The following ZRSR2 variants were observed in gnomAD, a reference collection of about 807,000 sequenced individuals.
ZRSR2 encodes the protein U2 small nuclear ribonucleoprotein auxiliary factor 35 kDa subunit-related protein 2.
ZRSR2 carries 3 observed loss-of-function variants against 39.4 expected under a neutral mutation model. That is an observed-to-expected ratio of 0.08 (90% CI 0.03 to 0.20). The LOEUF (loss-of-function observed/expected upper bound fraction) is 0.20. ZRSR2 is among the 10% of genes least tolerant of loss of function. The pLI is 1.00. For missense variants in ZRSR2, 256 were observed against 391.5 expected, an observed-to-expected ratio of 0.65 and a Z score of 2.92; for synonymous variants, 137 against 136.0, an observed-to-expected ratio of 1.01 and a Z score of -0.05.
At position 15,790,510 on chromosome X, in the gene ZRSR2, G is replaced by T; in HGVS notation, c.15G>T (p.Glu5Asp). 8.6e-7 allele frequency: 1 copy of T among 1,160,337 alleles called. No homozygotes were observed. Among genetic ancestry groups the T allele is most frequent in the Non-Finnish European group, 1.1e-6 (1 of 871,301 alleles). MAAP[E>D]KMTFPEKPSH... is the part of the protein sequence containing the mutation. ...GTGCCGGCAAGATGGCTGCGCCCGA[G>T]AAGATGACGTTTCCCGAGAAACCAA... is the stretch of plus-strand genomic sequence containing the variant. The change falls in exon 1 of 11, where the codon GAG (glutamate) becomes GAT (aspartate). Residue 5 changes from glutamate to aspartate, a missense_variant. Glu to Asp is a conservative substitution (Grantham distance 45). This residue lies in a region of ZRSR2 where 87 missense variants were observed against 111.7 expected (regional missense o/e 0.78). Transcript: ENST00000307771.
At chrX:15,806,832 T>A (rs763243219) in intron 5 of ZRSR2, among the ~76,000 whole-genome samples, 3 of 111,377 alleles carry the variant, frequency 2.7e-5, no homozygotes, top group African/African-American at 9.8e-5. Flanking sequence ...CACACCCGGC[T>A]AATTTTTTGT....
At chrX:15,795,087 TTCC>T (rs1447626578) in intron 2 of ZRSR2, among the ~76,000 whole-genome samples, 1 of 56,294 alleles carries the variant, frequency 1.8e-5, no homozygotes, top group African/African-American at 9.5e-5. Context: ...CCCTGCACTT[TTCC>T]CCCCCCCCCA....
intron 5 of ZRSR2, among the ~76,000 whole-genome samples, chrX:15,806,761 G>A (rs1194563537): frequency 9.0e-6 from 1 of 110,618 alleles, no homozygotes; most frequent in Non-Finnish European, 1.9e-5. Context: ...TCTGCCTCCC[G>A]GGTTCAAGCG....
At chrX:15,793,158 G>T (rs1042245631) in intron 2 of ZRSR2, among the ~76,000 whole-genome samples, 5 of 111,945 alleles carry the variant, frequency 4.5e-5, no homozygotes, top group African/African-American at 1.6e-4. Flanking sequence ...GAAATTTTCA[G>T]CTACTTTACT....
intron 3 of ZRSR2, chrX:15,801,371 G>A (rs1191146543): frequency 1.3e-5 from 4 of 296,794 alleles, no homozygotes. Context: ...CGGGATTACA[G>A]GCACGCACCG....
chrX:15,798,818 C>G (rs1482013871), intron 2 of ZRSR2, among the ~76,000 whole-genome samples: 1 of 111,847 alleles, frequency 8.9e-6, no homozygotes, highest in Admixed American at 9.6e-5. Flanking sequence ...ATGTTGTAAA[C>G]TTCTTATTGC....
intron 7 of ZRSR2, among the ~76,000 whole-genome samples, chrX:15,813,515 T>G (rs1301211680): frequency 3.6e-5 from 4 of 112,284 alleles, no homozygotes; most frequent in Non-Finnish European, 7.5e-5. Flanking sequence ...GCTGGCCTTT[T>G]GTATACACTT....
rs1218594417 is a variant in ZRSR2 at position 15,814,025 on chromosome X, C to T, written c.558-1652C>T. On this transcript the variant is annotated intron_variant, in intron 7 of 10. Coordinates refer to ENST00000307771, the MANE Select transcript of ZRSR2 (RefSeq NM_005089.4). ...GGGCCATTGTTGTTTTTTCCCAACA[C>T]GTCCTATTCTTCAACTTTCTTTCTT... Among the ~76,000 whole-genome samples the T allele has an allele frequency of 4.8e-5, 5 of 103,636 alleles. No individual in the cohort carries two copies. The Admixed American group carries it at 5.4e-4, about 11-fold the overall frequency. 90.0% of individuals were successfully genotyped at this position (103,636 alleles called of 115,157 possible).
chrX:15,804,876 T>G (rs772505006), intron 5 of ZRSR2, among the ~76,000 whole-genome samples: 9 of 68,740 alleles, frequency 1.3e-4, no homozygotes, highest in African/African-American at 4.6e-4. Flanking sequence ...AGTTGCTTAT[T>G]TAAAAAAAAA....
intron 5 of ZRSR2, among the ~76,000 whole-genome samples, chrX:15,806,497 G>A (rs1244535567): frequency 2.7e-5 from 3 of 111,196 alleles, no homozygotes; most frequent in Non-Finnish European, 3.8e-5. Context: ...CGTGATCTCT[G>A]CTTACTGCAA....
chrX:15,790,682 T>TC (rs1932241873), intron 1 of ZRSR2, 146 bp downstream of exon 1: 5 of 857,234 alleles, frequency 5.8e-6, no homozygotes, highest in Non-Finnish European at 8.2e-6. Context: ...TCTGGTGCCC[T>TC]CCCCGGACTT....
chrX:15,797,069 C>T (rs1932497399), intron 2 of ZRSR2, among the ~76,000 whole-genome samples: 1 of 110,139 alleles, frequency 9.1e-6, no homozygotes, highest in African/African-American at 3.3e-5. Flanking sequence ...GCTAGGATTA[C>T]AGGCATGAGC....
intron 2 of ZRSR2, among the ~76,000 whole-genome samples, chrX:15,794,594 C>T (rs1342985520): frequency 9.0e-6 from 1 of 111,634 alleles, no homozygotes; most frequent in African/African-American, 3.3e-5. Context: ...GGTCTTCATT[C>T]TCCTTGTCTT....
At chrX:15,805,228 C>T (rs932991884) in intron 5 of ZRSR2, among the ~76,000 whole-genome samples, 2 of 111,890 alleles carry the variant, frequency 1.8e-5, no homozygotes, top group African/African-American at 6.5e-5. Context: ...TATTTGAGCA[C>T]TTCTTTCCAG....
intron 5 of ZRSR2, among the ~76,000 whole-genome samples, chrX:15,804,618 A>G (rs927434973): frequency 8.9e-6 from 1 of 112,054 alleles, no homozygotes. Flanking sequence ...CCCTTGCTTT[A>G]TAGCAAGTTA....
intron 2 of ZRSR2, among the ~76,000 whole-genome samples, chrX:15,799,185 CAAAAA>C (rs558406905): frequency 2.7e-5 from 2 of 74,331 alleles, no homozygotes; most frequent in African/African-American, 9.7e-5. Flanking sequence ...ACTCCCGTCT[CAAAAA>C]AAAAAAAAAA....
intron 2 of ZRSR2, among the ~76,000 whole-genome samples, chrX:15,794,121 C>T (rs193099829): frequency 8.9e-6 from 1 of 112,070 alleles, no homozygotes; most frequent in African/African-American, 3.2e-5. Context: ...TTGAGTATCC[C>T]TTATCTGAAA....
chrX:15,822,071 A>G (rs1375160667), intron 10 of ZRSR2, among the ~76,000 whole-genome samples: 3 of 109,464 alleles, frequency 2.7e-5, no homozygotes, highest in Non-Finnish European at 5.7e-5. Context: ...GCTCACTGCA[A>G]CCTCCACCTC....
chrX:15,807,724 A>T (rs1420582409), intron 5 of ZRSR2, among the ~76,000 whole-genome samples: 1 of 111,336 alleles, frequency 9.0e-6, no homozygotes, highest in East Asian at 2.8e-4. Flanking sequence ...GTGATCTGGT[A>T]AATTTTCTAT....
Sources: allele counts gnomAD v4.1 joint callset (sites outside exome capture counted in the v4.1 genomes callset), GRCh38; gene constraint gnomAD v4.1.1; regional missense constraint gnomAD v4.1.1; transcripts MANE v1.5; gene names NCBI Gene and HGNC (gene_info 2026-07-23, HGNC 2026-07-21).